Variants in SSTR3 observed in about 807,000 individuals in gnomAD.
The protein encoded by SSTR3 is somatostatin receptor 3.
For missense variants in SSTR3, 504 were observed against 604.7 expected (o/e 0.83, Z 1.75); for synonymous variants, 281 against 269.2 (o/e 1.04, Z -0.43).
chr22:37,216,480 C>T (rs964946087), upstream of SSTR3, among the ~76,000 whole-genome samples: 3 of 152,138 alleles, frequency 2.0e-5, no homozygotes, highest in Non-Finnish European at 2.9e-5. Context: ...ATAATTGCTT[C>T]GTTTTTTGGT....
chr22:37,210,634 C>G (rs1474857774), intron 1 of SSTR3: 1 of 985,344 alleles, frequency 1.0e-6, no homozygotes, highest in Non-Finnish European at 1.2e-6. Context: ...TCCTCCCTGT[C>G]TGGTTTATCT....
chr22:37,207,137 A>T lies in SSTR3; in HGVS notation c.667T>A (p.Cys223Ser). ...LGFFGPLLVI[C>S]LCYLLIVVKV... ...ACCACGATGAGCAGGTAGCAGAGGCAGATGACCAGCAGCGGCCCGAAGAAG... is the reference window on the plus strand; with the variant it reads ...ACCACGATGAGCAGGTAGCAGAGGCTGATGACCAGCAGCGGCCCGAAGAAG... The change falls in exon 2 of 2, where the codon TGC becomes AGC. Residue 223 changes from cysteine (C) to serine (S), a missense_variant. Transcript: ENST00000610913. 6.2e-7 allele frequency: 1 copy of T among 1,612,612 alleles called. No homozygotes were observed. The highest frequency in any genetic ancestry group is 1.1e-5 in the South Asian group (1 of 91,088).
upstream of SSTR3, among the ~76,000 whole-genome samples, chr22:37,214,767 C>A (rs925489409): frequency 6.6e-6 from 1 of 152,148 alleles, no homozygotes; most frequent in Non-Finnish European, 1.5e-5. Context: ...CTCCTATGGC[C>A]ACCTGTTCCT....
At chr22:37,208,504 G>C (rs932935834) in intron 1 of SSTR3, among the ~76,000 whole-genome samples, 1 of 152,202 alleles carries the variant, frequency 6.6e-6, no homozygotes, top group Non-Finnish European at 1.5e-5. Flanking sequence ...TGAACCTGGG[G>C]GGCAGGTGGC....
chr22:37,213,207 C>G (rs148619022), upstream of SSTR3, among the ~76,000 whole-genome samples: 283 of 152,270 alleles, frequency 1.9e-3, no homozygotes, highest in South Asian at 4.3e-3. Flanking sequence ...GGGATTTGCC[C>G]CGTGGGCCAT....
rs567673380 is a variant in SSTR3, at chr22:37,204,942, G to C, written c.*1605C>G. The stretch of plus-strand genomic sequence containing the variant: ...GGTGGGGAAGCGGAAGGATTTCACC[G>C]GGGGTCTCACCCTCCCAGGGCCAGC... On this transcript the variant is annotated 3_prime_UTR_variant, in exon 2 of 2. Coordinates refer to ENST00000610913, the MANE Select transcript of SSTR3 (RefSeq NM_001051.5). 1 of 152,372 alleles carries C rather than the reference G, an allele frequency of 6.6e-6. No homozygotes were observed. Among genetic ancestry groups the C allele is most frequent in the African/African-American group, 2.4e-5 (1 of 41,426 alleles). The allele number at this position is 152,372 out of a possible 1,614,324, so 9.4% of individuals were successfully genotyped here.
chr22:37,213,086 C>T (rs1420349800), upstream of SSTR3, among the ~76,000 whole-genome samples: 1 of 152,202 alleles, frequency 6.6e-6, no homozygotes, highest in South Asian at 2.1e-4. Context: ...TTACAGACAT[C>T]ACCTTTTGCT....
Position 37,207,721 on chromosome 22 carries a change from AG to A in SSTR3, c.82del (p.Leu28TrpfsTer19), listed in dbSNP as rs1925934559. The A allele has an allele frequency of 6.5e-7, 1 of 1,534,742 alleles. No individual in the cohort carries two copies. The highest frequency in any genetic ancestry group is 8.8e-7 in the Non-Finnish European group (1 of 1,140,808). ...GCTTGGGCCCGCCGACACGTTGCCC[AG>A]GGTGGCATCTGGGGGCCAGGCCGAG... ...ASSAWPPDATLGNVSAGPSPA... is the reference protein window; with the variant it reads ...ASSAWPPDATXGNVSAGPSPA... On this transcript the variant is annotated frameshift_variant, in exon 2 of 2. Transcript: ENST00000610913. LOFTEE classifies it low-confidence loss of function (END_TRUNC).
At chr22:37,215,887 A>G (rs1020711010), upstream of SSTR3, 1 of 268,234 alleles carries the variant, frequency 3.7e-6, no homozygotes, top group Non-Finnish European at 8.2e-6. Context: ...TCTTGTGAGA[A>G]GCTGTGGCGA....
chr22:37,204,669 C>A lies in SSTR3; in HGVS notation c.*1878G>T, dbSNP rs891909047. The A allele has an allele frequency of 2.6e-5, 4 of 152,252 alleles. No individual in the cohort carries two copies. Among genetic ancestry groups the A allele is most frequent in the African/African-American group, 9.7e-5 (4 of 41,430 alleles). The allele number at this position is 152,252 out of a possible 1,614,324, so 9.4% of individuals were successfully genotyped here. A position where few individuals can be genotyped will look rare whatever the true frequency, so the allele number is the denominator to read the frequency against. On this transcript the variant is annotated 3_prime_UTR_variant, in exon 2 of 2. Transcript: ENST00000610913. ...AGGCCAAGCCTGGGGGTGAGGAGGG[C>A]ACCCCCACTTTATAATCTGATACAC...
rs148904137 is a variant in SSTR3 at position 37,212,108 on chromosome 22, TA to T, written c.-321del. ...CATCCTGGGGGGGCAGGGGCAAGGA[TA>T]GGGGGGAGAAGCTTCCCAGGGTGAG... On this transcript the variant is annotated 5_prime_UTR_variant, in exon 1 of 2. An upstream open reading frame in the 5' UTR gains an earlier in-frame stop. Transcript: ENST00000610913. The T allele has an allele frequency of 3.0e-4, 298 of 980,394 alleles. 1 individual carries two copies. In the African/African-American group the frequency reaches 4.7e-3, roughly 15 times the overall value. The allele number at this position is 980,394 out of a possible 1,614,324, so 60.7% of individuals were successfully genotyped here.
chr22:37,219,320 C>T, the SSTR3 span, among the ~76,000 whole-genome samples: 3 of 152,124 alleles, frequency 2.0e-5, no homozygotes, highest in South Asian at 4.1e-4. Flanking sequence ...GCTGCTGGTG[C>T]GCAAGGGGCT....
chr22:37,207,027 C>A lies in SSTR3; in HGVS notation c.777G>T (p.Val259=). 1 of 1,612,974 alleles carries A rather than the reference C, an allele frequency of 6.2e-7. No homozygotes were observed. Among genetic ancestry groups the A allele is most frequent in the Non-Finnish European group, 8.5e-7 (1 of 1,179,972 alleles). The part of the protein sequence containing the change: ...RRSERRVTRM[V]VAVVALFVLC... Reference sequence around the variant, plus strand: ...GCACGAAGAGCGCCACCACGGCCACCACCATGCGCGTGACCCTGCGTTCGG... The same window carrying A: ...GCACGAAGAGCGCCACCACGGCCACAACCATGCGCGTGACCCTGCGTTCGG... Residue 259 remains valine, a synonymous_variant, in exon 2 of 2, where the codon GTG becomes GTT. Coordinates refer to ENST00000610913, the MANE Select transcript of SSTR3 (RefSeq NM_001051.5).
At chr22:37,210,073 G>A (rs1043215695) in intron 1 of SSTR3, among the ~76,000 whole-genome samples, 5 of 152,196 alleles carry the variant, frequency 3.3e-5, no homozygotes, top group African/African-American at 1.2e-4. Context: ...CCTGGTAGGG[G>A]ACCCGCGTCA....
rs1273896775 is a variant in SSTR3 at position 37,205,728 on chromosome 22, C to T, written c.*819G>A. The T allele has an allele frequency of 2.0e-5, 3 of 152,286 alleles. No homozygotes were observed. Among genetic ancestry groups the T allele is most frequent in the African/African-American group, 7.2e-5 (3 of 41,452 alleles). The allele number at this position is 152,286 out of a possible 1,614,324, so 9.4% of individuals were successfully genotyped here. ...TCCTTGGGGATTGGGTGGCTGACCTCAGCAGGGGCAGAGCCAGGCTTTGGG... is the reference window on the plus strand; with the variant it reads ...TCCTTGGGGATTGGGTGGCTGACCTTAGCAGGGGCAGAGCCAGGCTTTGGG... On this transcript the variant is annotated 3_prime_UTR_variant, in exon 2 of 2. Transcript: ENST00000610913.
intron 1 of SSTR3, 144 bp downstream of exon 1, chr22:37,211,681 G>T: frequency 3.5e-6 from 3 of 863,370 alleles, no homozygotes; most frequent in Non-Finnish European, 4.2e-6. Flanking sequence ...CGACCGGGAG[G>T]TCACAGGAAG....
chr22:37,209,303 C>T (rs948467371), intron 1 of SSTR3, among the ~76,000 whole-genome samples: 8 of 152,170 alleles, frequency 5.3e-5, no homozygotes, highest in Non-Finnish European at 8.8e-5. Context: ...GGGGCTGCAG[C>T]GGGCTCAGAG....
At position 37,207,012 on chromosome 22, in the gene SSTR3, C is replaced by T. The variant is rs229569; in HGVS notation, c.792G>A (p.Ala264=). 375,258 of 1,612,878 alleles carry T rather than the reference C, an allele frequency of 0.23. 50,052 individuals are homozygous for T. Among genetic ancestry groups the T allele is most frequent in the East Asian group, 0.59 (26,503 of 44,858 alleles). The change falls in exon 2 of 2, where the codon GCG becomes GCA. Residue 264 remains alanine (A), a synonymous_variant. Coordinates refer to ENST00000610913, the MANE Select transcript of SSTR3 (RefSeq NM_001051.5). ...AGGGCATCCAGCAGAGCACGAAGAGCGCCACCACGGCCACCACCATGCGCG... is the reference window on the plus strand; with the variant it reads ...AGGGCATCCAGCAGAGCACGAAGAGTGCCACCACGGCCACCACCATGCGCG... The part of the protein sequence containing the change: ...RVTRMVVAVV[A]LFVLCWMPFY...
In SSTR3 at chr22:37,207,585, C is replaced by T. The variant is rs550210765; in HGVS notation, c.219G>A (p.Thr73=). The part of the protein sequence containing the change: ...SLVIYVVLRH[T]ASPSVTNVYI... ...AGACGTTGGTGACTGAAGGGCTGGC[C>T]GTGTGCCGCAGGACCACATAGATGA... The change falls in exon 2 of 2, where the codon ACG becomes ACA. Residue 73 remains threonine, a synonymous_variant. Transcript: ENST00000610913. 14 of 1,612,878 alleles carry T rather than the reference C, an allele frequency of 8.7e-6. No individual in the cohort carries two copies. The highest frequency in any genetic ancestry group is 3.3e-5 in the South Asian group (3 of 91,030).
Sources: allele counts gnomAD v4.1 joint callset (sites outside exome capture counted in the v4.1 genomes callset), GRCh38; gene constraint gnomAD v4.1.1; transcripts MANE v1.5; gene names NCBI Gene and HGNC (gene_info 2026-07-23, HGNC 2026-07-21).